The following NRG3 variants were observed in gnomAD, a reference collection of about 807,000 sequenced individuals.
The protein encoded by NRG3 is neuregulin 3.
In NRG3, 31 loss-of-function variants were observed where a neutral mutation model predicts 66.9. That is an observed-to-expected ratio of 0.46 (90% CI 0.35 to 0.63). The LOEUF is 0.63. Ranked by LOEUF, NRG3 falls within the 20% of genes least tolerant of loss-of-function variation. NRG3 has a pLI of 0.00. For synonymous variants in NRG3, 393 were observed against 359.4 expected, an observed-to-expected ratio of 1.09 and a Z score of -1.06; for missense variants, 910 against 878.9, an observed-to-expected ratio of 1.04 and a Z score of -0.45.
At chr10:82,122,017 A>G (rs76633453) in intron 1 of NRG3, among the ~76,000 whole-genome samples, 29 of 152,144 alleles carry the variant, frequency 1.9e-4, no homozygotes, top group African/African-American at 6.7e-4. Context: ...TTCTGTTCCT[A>G]GCAGTATGAC....
intron 1 of NRG3, among the ~76,000 whole-genome samples, chr10:82,167,293 A>G (rs1396411676): frequency 6.6e-6 from 1 of 152,070 alleles, no homozygotes; most frequent in Non-Finnish European, 1.5e-5. Context: ...TTTACTTGGT[A>G]AGTGTTTCAT....
intron 3 of NRG3, among the ~76,000 whole-genome samples, chr10:82,841,080 C>T (rs1249050107): frequency 1.3e-5 from 2 of 152,082 alleles, no homozygotes; most frequent in Non-Finnish European, 2.9e-5. Flanking sequence ...AGATGGAGGA[C>T]ACACAGAGAA....
At chr10:82,326,447 T>A (rs1337722004) in intron 1 of NRG3, among the ~76,000 whole-genome samples, 1 of 151,760 alleles carries the variant, frequency 6.6e-6, no homozygotes, top group African/African-American at 2.4e-5. Context: ...GGTTTATAAT[T>A]TTCATGATTT....
chr10:82,110,330 G>A (rs1247032635), intron 1 of NRG3, among the ~76,000 whole-genome samples: 1 of 152,172 alleles, frequency 6.6e-6, no homozygotes, highest in Non-Finnish European at 1.5e-5. Flanking sequence ...GGTAGGAGAT[G>A]ATGTTAGAGA....
chr10:82,298,943 A>G (rs2080233484), intron 1 of NRG3, among the ~76,000 whole-genome samples: 1 of 152,184 alleles, frequency 6.6e-6, no homozygotes, highest in Admixed American at 6.5e-5. Context: ...CGGCTCCTCA[A>G]GGAGTTGGCA....
intron 3 of NRG3, among the ~76,000 whole-genome samples, chr10:82,769,376 T>C (rs952104899): frequency 6.6e-6 from 1 of 152,088 alleles, no homozygotes; most frequent in Non-Finnish European, 1.5e-5. Context: ...AAGAGTTTAA[T>C]CATTTACCTT....
chr10:81,917,317 A>G (rs1045907142), intron 1 of NRG3, among the ~76,000 whole-genome samples: 6 of 152,270 alleles, frequency 3.9e-5, no homozygotes, highest in Non-Finnish European at 7.4e-5. Context: ...CTTGGTGCAT[A>G]ATAACCTTCT....
intron 1 of NRG3, among the ~76,000 whole-genome samples, chr10:82,104,559 A>G (rs2066948706): frequency 1.3e-5 from 2 of 152,180 alleles, no homozygotes; most frequent in Non-Finnish European, 2.9e-5. Flanking sequence ...AATATGAGGA[A>G]CTCTGAAATG....
intron 1 of NRG3, among the ~76,000 whole-genome samples, chr10:82,220,194 G>A (rs1229055144): frequency 6.6e-6 from 1 of 151,940 alleles, no homozygotes; most frequent in Non-Finnish European, 1.5e-5. Flanking sequence ...TACTGTGTGT[G>A]TGTGTGTGTG....
At chr10:81,909,308 C>G (rs749981036) in intron 1 of NRG3, among the ~76,000 whole-genome samples, 1 of 152,130 alleles carries the variant, frequency 6.6e-6, no homozygotes, top group East Asian at 1.9e-4. Flanking sequence ...ATTTTCATTG[C>G]ATCTGCAAAG....
chr10:82,617,232 CACACACACCACACAG>C (rs1021510265), intron 2 of NRG3, among the ~76,000 whole-genome samples: 1 of 151,294 alleles, frequency 6.6e-6, no homozygotes, highest in Non-Finnish European at 1.5e-5. Context: ...ACACACCACA[CACACACACCACACAG>C]ACACACATAC....
intron 1 of NRG3, among the ~76,000 whole-genome samples, chr10:81,970,482 G>A (rs2059894627): frequency 6.6e-6 from 1 of 152,094 alleles, no homozygotes; most frequent in African/African-American, 2.4e-5. Flanking sequence ...ATGGCAAAAA[G>A]GTAGTTTGCA....
chr10:82,668,316 T>C (rs1273271602), intron 2 of NRG3, among the ~76,000 whole-genome samples: 3 of 152,228 alleles, frequency 2.0e-5, no homozygotes, highest in African/African-American at 7.2e-5. Context: ...TCTTAAATGA[T>C]CCTGAATGTG....
chr10:82,760,011 A>G (rs2059238485), intron 3 of NRG3, among the ~76,000 whole-genome samples: 1 of 152,144 alleles, frequency 6.6e-6, no homozygotes, highest in Non-Finnish European at 1.5e-5. Flanking sequence ...CATGTGAAAT[A>G]TAAAAAACTC....
At chr10:82,823,966 CA>C (rs1397390579) in intron 3 of NRG3, among the ~76,000 whole-genome samples, 1 of 152,082 alleles carries the variant, frequency 6.6e-6, no homozygotes, top group Non-Finnish European at 1.5e-5. Flanking sequence ...ACCTGCCTGC[CA>C]ATAAAACCAA....
chr10:82,957,899 T>TA (rs1479090986), intron 5 of NRG3, among the ~76,000 whole-genome samples: 3 of 151,610 alleles, frequency 2.0e-5, no homozygotes, highest in African/African-American at 7.3e-5. Context: ...TGTGCGTGTG[T>TA]GTGTGTGTGT....
chr10:82,905,005 A>C (rs981056247), intron 4 of NRG3, among the ~76,000 whole-genome samples: 2 of 152,144 alleles, frequency 1.3e-5, no homozygotes, highest in Non-Finnish European at 2.9e-5. Context: ...ATTTTTCACA[A>C]TTCCCTGAAA....
chr10:82,634,693 GA>G (rs2050067920), intron 2 of NRG3, among the ~76,000 whole-genome samples: 1 of 152,182 alleles, frequency 6.6e-6, no homozygotes, highest in Admixed American at 6.5e-5. Flanking sequence ...TTGATACCTA[GA>G]AAGTTCTTTG....
intron 1 of NRG3, among the ~76,000 whole-genome samples, chr10:82,145,645 T>A (rs373245656): frequency 1.4e-4 from 21 of 152,346 alleles, no homozygotes; most frequent in African/African-American, 5.1e-4. Context: ...ATTGTTGATG[T>A]ACGCTGTGTG....
Sources: allele counts gnomAD v4.1 joint callset (sites outside exome capture counted in the v4.1 genomes callset), GRCh38; gene constraint gnomAD v4.1.1; transcripts MANE v1.5; gene names NCBI Gene and HGNC (gene_info 2026-07-23, HGNC 2026-07-21).